MCC: variants seen among roughly 807,000 people sequenced by gnomAD.
The protein encoded by MCC is colorectal mutant cancer protein.
A neutral mutation model predicts 116.2 loss-of-function variants in MCC; 90 were observed. The observed-to-expected ratio is 0.77, with a 90% confidence interval of 0.65 to 0.92. MCC has a LOEUF of 0.92. Ranked by LOEUF, MCC falls within the 40% of genes least tolerant of loss-of-function variation. The pLI, the probability that MCC is intolerant of heterozygous loss-of-function variation, is 0.00. For synonymous variants in MCC, 578 were observed against 510.5 expected (o/e 1.13, Z -1.78); for missense variants, 1,516 against 1,312.2 (o/e 1.16, Z -2.40).
chr5:113,470,995 G>A (rs916866218), intron 1 of MCC, among the ~76,000 whole-genome samples: 1 of 152,042 alleles, frequency 6.6e-6, no homozygotes, highest in Non-Finnish European at 1.5e-5. Flanking sequence ...TTCTGCCTTC[G>A]TCACGTAGCT....
intron 3 of MCC, among the ~76,000 whole-genome samples, chr5:113,297,314 C>T (rs1766737722): frequency 6.6e-6 from 1 of 152,082 alleles, no homozygotes; most frequent in Non-Finnish European, 1.5e-5. Flanking sequence ...TCCAGCCTAG[C>T]CAACATGGTA....
At chr5:113,258,468 C>G (rs1172038007) in intron 3 of MCC, among the ~76,000 whole-genome samples, 1 of 152,240 alleles carries the variant, frequency 6.6e-6, no homozygotes, top group Non-Finnish European at 1.5e-5. Flanking sequence ...CGCCTCCTGT[C>G]AGATTAACCA....
At chr5:113,306,547 CT>C (rs1383601464) in intron 3 of MCC, among the ~76,000 whole-genome samples, 2 of 152,058 alleles carry the variant, frequency 1.3e-5, no homozygotes, top group Non-Finnish European at 2.9e-5. Flanking sequence ...TATTCAAATC[CT>C]TTGCCCATTT....
At chr5:113,391,622 G>A (rs1468307520) in intron 1 of MCC, among the ~76,000 whole-genome samples, 1 of 152,120 alleles carries the variant, frequency 6.6e-6, no homozygotes, top group Non-Finnish European at 1.5e-5. Flanking sequence ...GAAGGCTAAG[G>A]CAGGAAGGTC....
At chr5:113,476,151 T>C (rs1328202702) in intron 1 of MCC, among the ~76,000 whole-genome samples, 1 of 152,210 alleles carries the variant, frequency 6.6e-6, no homozygotes, top group African/African-American at 2.4e-5. Flanking sequence ...AACACAATCC[T>C]TATAAAACTC....
intron 7 of MCC, 145 bp downstream of exon 7, chr5:113,104,047 T>C: frequency 3.8e-6 from 3 of 797,862 alleles, no homozygotes; most frequent in Non-Finnish European, 3.7e-6. Flanking sequence ...CCCCCGCTTC[T>C]ACACCGTGGC....
At chr5:113,374,675 C>T (rs1276961533) in intron 2 of MCC, among the ~76,000 whole-genome samples, 1 of 152,050 alleles carries the variant, frequency 6.6e-6, no homozygotes, top group Non-Finnish European at 1.5e-5. Flanking sequence ...TCCAAATAGT[C>T]AACTAAATTG....
intron 1 of MCC, among the ~76,000 whole-genome samples, chr5:113,412,482 T>A (rs1770018957): frequency 6.6e-6 from 1 of 152,236 alleles, no homozygotes; most frequent in African/African-American, 2.4e-5. Context: ...GAAGAGGTCC[T>A]TCACATCCCT....
At chr5:113,101,971 G>C (rs374275074) in intron 7 of MCC, 26 bp from the exon 8 acceptor site, 43 of 1,611,196 alleles carry the variant, frequency 2.7e-5, no homozygotes, top group Non-Finnish European at 3.5e-5. Context: ...CCAAAGAAAA[G>C]TCAAGTAAGT....
intron 2 of MCC, among the ~76,000 whole-genome samples, chr5:113,350,524 T>C (rs542533769): frequency 2.6e-5 from 4 of 152,198 alleles, no homozygotes; most frequent in Non-Finnish European, 4.4e-5. Context: ...TCTCTCACCA[T>C]ATACAAAAAT....
At chr5:113,404,456 G>A (rs13189910) in intron 1 of MCC, among the ~76,000 whole-genome samples, 26,056 of 152,060 alleles carry the variant, frequency 0.17, 2,450 homozygotes, top group Non-Finnish European at 0.22. Context: ...CAGAAAAAAC[G>A]CCCACCAGTG....
At chr5:113,290,705 T>C (rs1766460760) in intron 3 of MCC, among the ~76,000 whole-genome samples, 1 of 152,218 alleles carries the variant, frequency 6.6e-6, no homozygotes, top group African/African-American at 2.4e-5. Flanking sequence ...CCACGAAGAA[T>C]ATGCCAGAGC....
At chr5:113,472,980 T>C (rs1772135409) in intron 1 of MCC, among the ~76,000 whole-genome samples, 1 of 152,222 alleles carries the variant, frequency 6.6e-6, no homozygotes, top group Non-Finnish European at 1.5e-5. Context: ...TGTCAGGTAG[T>C]GTGAGAGATA....
chr5:113,030,284 A>T (rs1172451893), intron 17 of MCC, among the ~76,000 whole-genome samples: 2 of 152,226 alleles, frequency 1.3e-5, no homozygotes, highest in African/African-American at 2.4e-5. Context: ...TCACTTAGGC[A>T]TTGGTTACAA....
chr5:113,286,013 G>C (rs1487491530), intron 3 of MCC, among the ~76,000 whole-genome samples: 1 of 152,184 alleles, frequency 6.6e-6, no homozygotes, highest in South Asian at 2.1e-4. Flanking sequence ...TGGCAACTGG[G>C]ATTTGGTCCA....
chr5:113,025,609 A>AAT lies in MCC; in HGVS notation c.*1691_*1692dup, dbSNP rs1750488233. The AAT allele has an allele frequency of 6.6e-6, 1 of 151,874 alleles. No individual in the cohort carries two copies. The highest frequency in any genetic ancestry group is 2.1e-4 in the South Asian group (1 of 4,804). The allele number at this position is 151,874 out of a possible 1,614,324, so 9.4% of individuals were successfully genotyped here. A position where few individuals can be genotyped will look rare whatever the true frequency, so the allele number is the denominator to read the frequency against. Reference sequence around the variant, plus strand: ...CTCCATCTCAAAAAAAAAAAAAAAAAATCACAGGAACTAACTTTGACCAAA... The same window carrying AAT: ...CTCCATCTCAAAAAAAAAAAAAAAAAATATCACAGGAACTAACTTTGACCAAA... On this transcript the variant is annotated 3_prime_UTR_variant, in exon 19 of 19. Coordinates refer to ENST00000408903, the MANE Select transcript of MCC (RefSeq NM_001085377.2).
intron 1 of MCC, among the ~76,000 whole-genome samples, chr5:113,406,467 C>T (rs374555520): frequency 6.6e-6 from 1 of 152,112 alleles, no homozygotes; most frequent in African/African-American, 2.4e-5. Flanking sequence ...AACTCCTGCC[C>T]GTATAAACGT....
chr5:113,106,010 G>A (rs1412143639), intron 6 of MCC, among the ~76,000 whole-genome samples: 1 of 152,180 alleles, frequency 6.6e-6, no homozygotes, highest in Admixed American at 6.5e-5. Flanking sequence ...TGGGGGTTGG[G>A]CTTGCACAAT....
At chr5:113,478,883 T>C (rs1772302358) in intron 1 of MCC, among the ~76,000 whole-genome samples, 1 of 152,246 alleles carries the variant, frequency 6.6e-6, no homozygotes, top group Admixed American at 6.5e-5. Flanking sequence ...CCTGTGTTTC[T>C]GCATTATCTA....
Sources: allele counts gnomAD v4.1 joint callset (sites outside exome capture counted in the v4.1 genomes callset), GRCh38; gene constraint gnomAD v4.1.1; transcripts MANE v1.5; gene names NCBI Gene and HGNC (gene_info 2026-07-23, HGNC 2026-07-21).